SORCS2: variants seen among roughly 807,000 people sequenced by gnomAD.
The protein encoded by SORCS2 is sortilin related VPS10 domain containing receptor 2.
Under a neutral mutation model 141.6 loss-of-function variants are expected in SORCS2, and 100 were observed. The ratio of observed to expected loss-of-function variants is 0.71; its 90% confidence interval spans 0.60 to 0.83. The LOEUF (loss-of-function observed/expected upper bound fraction) is 0.83. SORCS2 is among the 40% of genes least tolerant of loss of function. The probability of loss-of-function intolerance (pLI) is 0.00; values close to 1 mark genes in which losing one functional copy is unlikely to be tolerated. For missense variants in SORCS2, 1,646 were observed against 1,560.2 expected, an observed-to-expected ratio of 1.05 and a Z score of -0.93; for synonymous variants, 789 against 676.9, an observed-to-expected ratio of 1.17 and a Z score of -2.57.
At chr4:7,501,048 A>G (rs1444010816) in intron 2 of SORCS2, among the ~76,000 whole-genome samples, 3 of 152,136 alleles carry the variant, frequency 2.0e-5, no homozygotes, top group African/African-American at 7.2e-5. Flanking sequence ...AGGTGATTTC[A>G]TCTTGGGACC....
rs545309784 is a variant in SORCS2 at position 7,289,815 on chromosome 4, C to T, written c.480+96689C>T. ...ATTTGCACATCCCAAATAGAGACGG[C>T]GCTCGGCTTGCGGCCCTTCCTCCCG... On this transcript the variant is annotated intron_variant, in intron 1 of 26. Transcript: ENST00000507866. 1.6e-3 allele frequency among the ~76,000 whole-genome samples: 250 copies of T among 152,304 alleles called. 2 individuals carry two copies. The highest frequency in any genetic ancestry group is 1.1e-3 in the Non-Finnish European group (72 of 68,018).
At chr4:7,685,732 T>A (rs1723835207) in intron 10 of SORCS2, among the ~76,000 whole-genome samples, 1 of 151,698 alleles carries the variant, frequency 6.6e-6, no homozygotes, top group Admixed American at 6.5e-5. Context: ...AGGCCTGGGC[T>A]ATCCTGTGTG....
At chr4:7,543,131 C>G (rs991297017) in intron 3 of SORCS2, among the ~76,000 whole-genome samples, 2 of 152,210 alleles carry the variant, frequency 1.3e-5, no homozygotes, top group African/African-American at 4.8e-5. Context: ...CAGGATGGCA[C>G]AGAGCCCTGG....
intron 1 of SORCS2, among the ~76,000 whole-genome samples, chr4:7,354,000 A>G (rs78256636): frequency 0.038 from 5,709 of 152,236 alleles, 116 homozygotes; most frequent in Middle Eastern, 0.058. Flanking sequence ...TGTGCACCCC[A>G]TTACCTGCAC....
At chr4:7,222,306 T>C (rs4689655) in intron 1 of SORCS2, among the ~76,000 whole-genome samples, 35,576 of 152,056 alleles carry the variant, frequency 0.23, 4,388 homozygotes, top group East Asian at 0.45. Flanking sequence ...TATTCAGCCA[T>C]GGACAGGAAT....
At chr4:7,568,200 C>A (rs1175670845) in intron 3 of SORCS2, among the ~76,000 whole-genome samples, 2 of 152,156 alleles carry the variant, frequency 1.3e-5, no homozygotes, top group East Asian at 1.9e-4. Flanking sequence ...CTCACAGTGC[C>A]CTTCGTGGCT....
At chr4:7,728,223 C>A in intron 21 of SORCS2, 127 bp from the exon 22 acceptor site, 1 of 624,768 alleles carries the variant, frequency 1.6e-6, no homozygotes, top group Non-Finnish European at 2.8e-6. Flanking sequence ...GCTGCTGGGC[C>A]CTGGGATCTG....
chr4:7,457,176 ACCAGTTAGCTTTT>A (rs1386220046), intron 2 of SORCS2, among the ~76,000 whole-genome samples: 3 of 152,162 alleles, frequency 2.0e-5, no homozygotes, highest in Non-Finnish European at 4.4e-5. Flanking sequence ...ATTCCCCGCC[ACCAGTTAGCTTTT>A]CCCAAGGCAT....
intron 2 of SORCS2, among the ~76,000 whole-genome samples, chr4:7,511,924 C>T (rs998913225): frequency 3.3e-5 from 5 of 152,204 alleles, no homozygotes; most frequent in African/African-American, 1.2e-4. Context: ...CCAAATCCCA[C>T]CCTTTCTCCC....
intron 18 of SORCS2, among the ~76,000 whole-genome samples, chr4:7,722,214 C>T (rs1013666174): frequency 3.9e-5 from 6 of 152,182 alleles, no homozygotes; most frequent in Admixed American, 1.3e-4. Flanking sequence ...CATGCCTTCT[C>T]CTTCCCAGGA....
At chr4:7,703,678 C>T (rs1725230666) in intron 13 of SORCS2, among the ~76,000 whole-genome samples, 1 of 152,176 alleles carries the variant, frequency 6.6e-6, no homozygotes, top group African/African-American at 2.4e-5. Context: ...GGATTGGGAC[C>T]AGGTGACCCA....
chr4:7,587,336 C>T (rs1716601461), intron 3 of SORCS2, among the ~76,000 whole-genome samples: 1 of 152,184 alleles, frequency 6.6e-6, no homozygotes, highest in Non-Finnish European at 1.5e-5. Context: ...ACCTGGGTCC[C>T]ATCTTCTGAC....
Position 7,704,265 on chromosome 4 carries a change from G to C in SORCS2, c.1849G>C (p.Asp617His). 6.2e-7 allele frequency: 1 copy of C among 1,612,092 alleles called. No homozygotes were observed. Among genetic ancestry groups the C allele is most frequent in the Non-Finnish European group, 8.5e-7 (1 of 1,179,296 alleles). Residue 617 changes from aspartate to histidine, a missense_variant, in exon 14 of 27, where the codon GAC becomes CAC. By Grantham distance (81) the Asp-to-His change is moderately conservative. Coordinates refer to ENST00000507866, the MANE Select transcript of SORCS2 (RefSeq NM_020777.3). ...FVDGLLSEPG[D>H]ETLVMTVFGH... is the part of the protein sequence containing the mutation. ...GGACGGGCTGCTGAGTGAGCCAGGGGACGAGACGCTGGTCATGACGTGAGT... is the reference window on the plus strand; with the variant it reads ...GGACGGGCTGCTGAGTGAGCCAGGGCACGAGACGCTGGTCATGACGTGAGT...
At chr4:7,700,592 T>A (rs1724999101) in intron 12 of SORCS2, among the ~76,000 whole-genome samples, 1 of 152,216 alleles carries the variant, frequency 6.6e-6, no homozygotes. Context: ...AGCTCCCTTG[T>A]CCAGGAAACA....
chr4:7,391,530 C>T lies in SORCS2; in HGVS notation c.481-4758C>T, dbSNP rs114208898. On this transcript the variant is annotated intron_variant, in intron 1 of 26. Coordinates refer to ENST00000507866, the MANE Select transcript of SORCS2 (RefSeq NM_020777.3). ...CTGTGGTGATCAGGGGGTGGGGCTC[C>T]ATGGCCGGCCTAGGGTCTCTCCAGG... Among the ~76,000 whole-genome samples, 146 of 152,252 alleles carry T rather than the reference C, an allele frequency of 9.6e-4. 1 individual carries two copies. The highest frequency in any genetic ancestry group is 3.4e-3 in the Middle Eastern group (1 of 294).
chr4:7,509,449 G>T (rs570959246), intron 2 of SORCS2, among the ~76,000 whole-genome samples: 1 of 152,326 alleles, frequency 6.6e-6, no homozygotes, highest in East Asian at 1.9e-4. Flanking sequence ...AATGGGCTGG[G>T]GGCAGCAGGG....
At chr4:7,459,775 C>T (rs1378753331) in intron 2 of SORCS2, among the ~76,000 whole-genome samples, 1 of 152,228 alleles carries the variant, frequency 6.6e-6, no homozygotes, top group East Asian at 1.9e-4. Flanking sequence ...GGGATGTCGC[C>T]TGGTTGGGTT....
At chr4:7,384,310 G>A (rs1394149633) in intron 1 of SORCS2, among the ~76,000 whole-genome samples, 1 of 152,196 alleles carries the variant, frequency 6.6e-6, no homozygotes, top group Non-Finnish European at 1.5e-5. Context: ...AAGAGATAAC[G>A]TCCATAGAGT....
intron 3 of SORCS2, among the ~76,000 whole-genome samples, chr4:7,576,643 C>T (rs76878164): frequency 0.036 from 5,472 of 152,218 alleles, 132 homozygotes; most frequent in Non-Finnish European, 0.038. Flanking sequence ...CAGAGGGACA[C>T]ATGTGGAAGG....
Sources: allele counts gnomAD v4.1 joint callset (sites outside exome capture counted in the v4.1 genomes callset), GRCh38; gene constraint gnomAD v4.1.1; transcripts MANE v1.5; gene names NCBI Gene and HGNC (gene_info 2026-07-23, HGNC 2026-07-21).